Variants in CA12 observed in about 807,000 individuals in gnomAD.
CA12 encodes carbonic anhydrase 12.
Under a neutral mutation model 46.8 loss-of-function variants are expected in CA12, and 36 were observed. The ratio of observed to expected loss-of-function variants is 0.77; its 90% CI spans 0.59 to 1.02. CA12 has a LOEUF of 1.02. CA12 is among the 50% of genes least tolerant of loss of function. The probability of loss-of-function intolerance (pLI) is 0.00; values close to 1 mark genes in which losing one functional copy is unlikely to be tolerated. For synonymous variants in CA12, 202 were observed against 187.0 expected, an observed-to-expected ratio of 1.08 and a Z score of -0.65; for missense variants, 436 against 451.4, an observed-to-expected ratio of 0.97 and a Z score of 0.31.
At position 63,374,710 on chromosome 15, in the gene CA12, T is replaced by A. The variant is rs2039549951; in HGVS notation, c.106+948A>T. ...AAAGGCTGACCTATGCAAATTGGTG[T>A]CAGATCTTTCTCTGGACGGTGCTTC... On this transcript the variant is annotated intron_variant, in intron 2 of 10. Coordinates refer to ENST00000178638, the MANE Select transcript of CA12 (RefSeq NM_001218.5). The surrounding 1 kb of genome is among the most constrained non-coding windows in gnomAD (Gnocchi z 4.4). 6.6e-6 allele frequency among the ~76,000 whole-genome samples: 1 copy of A among 152,198 alleles called. No homozygotes were observed. Among genetic ancestry groups the A allele is most frequent in the African/African-American group, 2.4e-5 (1 of 41,432 alleles).
intron 2 of CA12, among the ~76,000 whole-genome samples, chr15:63,351,750 G>A (rs557240940): frequency 2.6e-5 from 4 of 152,232 alleles, no homozygotes; most frequent in South Asian, 2.1e-4. Context: ...TGAACTTCTC[G>A]GCCAGCCTAC....
intron 2 of CA12, among the ~76,000 whole-genome samples, chr15:63,366,736 A>C (rs371070993): frequency 6.6e-6 from 1 of 152,232 alleles, no homozygotes; most frequent in African/African-American, 2.4e-5. Flanking sequence ...ATGTTTAAAA[A>C]CTGTTTAAAT....
intron 10 of CA12, among the ~76,000 whole-genome samples, chr15:63,326,819 A>C (rs779616392): frequency 1.2e-4 from 18 of 152,236 alleles, no homozygotes; most frequent in Non-Finnish European, 2.6e-4. Flanking sequence ...GCATATGTAA[A>C]GATCTTGATA....
In CA12 at chr15:63,345,531, C is replaced by G. The variant is rs199545110; in HGVS notation, c.375G>C (p.Pro125=). 1 of 1,612,620 alleles carries G rather than the reference C, an allele frequency of 6.2e-7. No individual in the cohort carries two copies. Among genetic ancestry groups the G allele is most frequent in the Non-Finnish European group, 8.5e-7 (1 of 1,180,030 alleles). ...ATQLHLHWGN[P]NDPHGSEHTV... ...TGTGCTCAGAGCCGTGCGGGTCATT[C>G]GGGTTCCCCCAGTGCAGGTGCAGCT... is the stretch of plus-strand genomic sequence containing the variant. Residue 125 remains proline (P), a synonymous_variant, in exon 4 of 11, where the codon CCG becomes CCC. Transcript: ENST00000178638. The surrounding 1 kb of genome is among the most constrained non-coding windows in gnomAD (Gnocchi z 4.3).
At position 63,355,605 on chromosome 15, in the gene CA12, C is replaced by T. The variant is rs1056503670; in HGVS notation, c.107-8896G>A. The stretch of plus-strand genomic sequence containing the variant: ...TTTCTGCATGCGTGTACACCTGGCT[C>T]CTGCTGCAGAGCCTGGCACACTGAA... On this transcript the variant is annotated intron_variant, in intron 2 of 10. Transcript: ENST00000178638. The surrounding 1 kb of genome is among the most constrained non-coding windows in gnomAD (Gnocchi z 4.1). Among the ~76,000 whole-genome samples the T allele has an allele frequency of 4.6e-5, 7 of 152,210 alleles. No individual in the cohort carries two copies. Among genetic ancestry groups the T allele is most frequent in the African/African-American group, 1.7e-4 (7 of 41,464 alleles).
At chr15:63,351,366 C>A (rs1301063257) in intron 2 of CA12, among the ~76,000 whole-genome samples, 1 of 152,212 alleles carries the variant, frequency 6.6e-6, no homozygotes, top group Non-Finnish European at 1.5e-5. Flanking sequence ...CCTGCAGTAA[C>A]CAGATCAATC....
At chr15:63,336,641 C>T (rs1462303762) in intron 8 of CA12, among the ~76,000 whole-genome samples, 2 of 150,552 alleles carry the variant, frequency 1.3e-5, no homozygotes, top group Non-Finnish European at 2.9e-5. Context: ...ACCTCCACCT[C>T]CCGGGTTCAA....
intron 8 of CA12, among the ~76,000 whole-genome samples, chr15:63,336,575 G>C (rs1432043996): frequency 8.8e-6 from 1 of 113,602 alleles, no homozygotes; most frequent in East Asian, 2.9e-4. Flanking sequence ...TTTTGAGACA[G>C]AGTCTCACTC....
chr15:63,377,288 C>T (rs759088735), intron 1 of CA12, among the ~76,000 whole-genome samples: 4 of 152,080 alleles, frequency 2.6e-5, no homozygotes, highest in African/African-American at 4.8e-5. Flanking sequence ...CCAGGGTCTC[C>T]GTGGTTCTCG....
At position 63,355,274 on chromosome 15, in the gene CA12, T is replaced by C. The variant is rs982949198; in HGVS notation, c.107-8565A>G. On this transcript the variant is annotated intron_variant, in intron 2 of 10. Transcript: ENST00000178638. This position sits in a 1 kb window ranked among gnomAD's most constrained non-coding sequence, Gnocchi z 4.1. Reference sequence around the variant, plus strand: ...CCCCTCGCTGGGGCAGGGCAAAGGGTTTCCCCCTCTTCTGTGCTCCTATAC... The same window carrying C: ...CCCCTCGCTGGGGCAGGGCAAAGGGCTTCCCCCTCTTCTGTGCTCCTATAC... 1.3e-5 allele frequency among the ~76,000 whole-genome samples: 2 copies of C among 151,990 alleles called. No homozygotes were observed. The highest frequency in any genetic ancestry group is 4.2e-4 in the South Asian group (2 of 4,814).
At chr15:63,336,543 C>CTTTTT (rs71998323) in intron 8 of CA12, among the ~76,000 whole-genome samples, 34 of 86,214 alleles carry the variant, frequency 3.9e-4, no homozygotes, top group African/African-American at 7.7e-4. Flanking sequence ...TCCAACCTGG[C>CTTTTT]TTTTTTTTTT....
chr15:63,381,825 G>A lies in CA12; in HGVS notation c.-105C>T. On this transcript the variant is annotated 5_prime_UTR_variant, in exon 1 of 11. It adds an upstream start codon to the 5' untranslated region. Transcript: ENST00000178638. ...ACCGCGTGCGCGCAGCCTGGGTGCCGTGGCGAGTACGTCCGCCCTTCGCTC... is the reference window on the plus strand; with the variant it reads ...ACCGCGTGCGCGCAGCCTGGGTGCCATGGCGAGTACGTCCGCCCTTCGCTC... 2.9e-6 allele frequency: 2 copies of A among 694,588 alleles called. No homozygotes were observed. The highest frequency in any genetic ancestry group is 2.7e-5 in the South Asian group (1 of 37,584). 43.0% of individuals were successfully genotyped at this position (694,588 alleles called of 1,614,324 possible).
chr15:63,379,034 G>C (rs1489584755), intron 1 of CA12: 1 of 152,216 alleles, frequency 6.6e-6, no homozygotes, highest in Non-Finnish European at 1.5e-5. Flanking sequence ...CTCAGATGAG[G>C]CCTCAGCATC....
chr15:63,362,288 C>A (rs557257370), intron 2 of CA12, among the ~76,000 whole-genome samples: 64 of 152,326 alleles, frequency 4.2e-4, no homozygotes, highest in African/African-American at 1.5e-3. Context: ...ATGATATAGA[C>A]ACTGTGTTCC....
At position 63,331,941 on chromosome 15, in the gene CA12, T is replaced by C. The variant is rs1337040004; in HGVS notation, c.875-3811A>G. On this transcript the variant is annotated intron_variant, in intron 8 of 10. Transcript: ENST00000178638. This position sits in a 1 kb window ranked among gnomAD's most constrained non-coding sequence, Gnocchi z 5.3. ...TTCCTGGAACAACAGTCTAGTATTT[T>C]CTAGCTCTATTTACGATTCTGTTTG... 6.6e-6 allele frequency: 1 copy of C among 152,224 alleles called. No individual in the cohort carries two copies. Among genetic ancestry groups the C allele is most frequent in the East Asian group, 1.9e-4 (1 of 5,202 alleles). The allele number at this position is 152,224 out of a possible 1,614,324, so 9.4% of individuals were successfully genotyped here.
rs1165017896 is a variant in CA12 at position 63,324,968 on chromosome 15, C to G, written c.*1317G>C. On this transcript the variant is annotated 3_prime_UTR_variant, in exon 11 of 11. Transcript: ENST00000178638. ...GGTCGGTTCCTTCTCAGTCATGGCACTGACTCATCTCCACAGGGTTCTCAC... is the reference window on the plus strand; with the variant it reads ...GGTCGGTTCCTTCTCAGTCATGGCAGTGACTCATCTCCACAGGGTTCTCAC... 1.3e-5 allele frequency: 2 copies of G among 152,140 alleles called. No individual in the cohort carries two copies. Among genetic ancestry groups the G allele is most frequent in the African/African-American group, 4.8e-5 (2 of 41,406 alleles). 9.4% of individuals were successfully genotyped at this position (152,140 alleles called of 1,614,324 possible). A position where few individuals can be genotyped will look rare whatever the true frequency, so the allele number is the denominator to read the frequency against.
At chr15:63,344,553 G>C (rs1567045418) in intron 4 of CA12, among the ~76,000 whole-genome samples, 1 of 152,188 alleles carries the variant, frequency 6.6e-6, no homozygotes, top group Admixed American at 6.5e-5. Flanking sequence ...AACCTCCAGT[G>C]GTACCATCCT....
Position 63,326,289 on chromosome 15 carries a change from G to A in CA12, c.1061C>T (p.Ala354Val), listed in dbSNP as rs201427665. Residue 354 changes from alanine (A) to valine (V), a missense_variant, in exon 11 of 11, where the codon GCT becomes GTT. Coordinates refer to ENST00000178638, the MANE Select transcript of CA12 (RefSeq NM_001218.5). ...TGCCCGGGAGCTCCGGGGACCTCAA[G>A]CGTGGGCCTCAGTCTCCATCTTGGT... The part of the protein sequence containing the change: ...PATKMETEAH[A>V] The A allele has an allele frequency of 5.1e-5, 83 of 1,613,882 alleles. No individual in the cohort carries two copies. In the East Asian group the frequency reaches 1.8e-3, roughly 35 times the overall value.
chr15:63,366,314 C>T (rs1156819035), intron 2 of CA12, among the ~76,000 whole-genome samples: 5 of 152,102 alleles, frequency 3.3e-5, no homozygotes, highest in African/African-American at 1.2e-4. Context: ...ACAGGCTGTC[C>T]CTTTGTCCCA....
Sources: gnomAD v4.1 joint callset for allele counts (sites outside exome capture counted in the v4.1 genomes callset) on GRCh38, gnomAD v4.1.1 for gene constraint, Gnocchi (gnomAD v3.1) non-coding constraint, MANE v1.5 for transcripts, NCBI Gene and HGNC (gene_info 2026-07-23, HGNC 2026-07-21) for gene names.